The following TJAP1 variants were observed in gnomAD, a reference collection of about 807,000 sequenced individuals.
TJAP1 encodes tight junction-associated protein 1.
In TJAP1, 27 loss-of-function variants were observed where a neutral mutation model predicts 42.0. The ratio of observed to expected loss-of-function variants is 0.64; its 90% CI spans 0.47 to 0.89. TJAP1 has a LOEUF of 0.89. TJAP1 is among the 40% of genes least tolerant of loss of function. The pLI, the probability that TJAP1 is intolerant of heterozygous loss-of-function variation, is 0.00. For synonymous variants in TJAP1, 257 were observed against 288.4 expected (o/e 0.89, Z 1.10); for missense variants, 712 against 726.9 (o/e 0.98, Z 0.24).
At chr6:43,503,943 G>C (rs778452063) in intron 10 of TJAP1, 3 of 695,988 alleles carry the variant, frequency 4.3e-6, no homozygotes, top group East Asian at 2.8e-5. Context: ...CAGAGACAGA[G>C]AGAGAAGATC....
At chr6:43,486,032 C>T (rs1343822018) in intron 2 of TJAP1, among the ~76,000 whole-genome samples, 1 of 150,026 alleles carries the variant, frequency 6.7e-6, no homozygotes, top group African/African-American at 2.5e-5. Context: ...AGTGCAGTGG[C>T]GCGATCTTGG....
At position 43,505,098 on chromosome 6, in the gene TJAP1, C is replaced by T. The variant is rs778579853; in HGVS notation, c.917C>T (p.Pro306Leu). The T allele has an allele frequency of 1.2e-6, 2 of 1,613,990 alleles. No individual in the cohort carries two copies. Among genetic ancestry groups the T allele is most frequent in the Non-Finnish European group, 1.7e-6 (2 of 1,179,860 alleles). The change falls in exon 11 of 11, where the codon CCC becomes CTC. Residue 306 changes from proline (P) to leucine (L), a missense_variant. Around this residue, in one of 3 missense-constraint regions of TJAP1, gnomAD observed 549 missense variants for 528.2 expected, o/e 1.04. Transcript: ENST00000372449. This position sits in a 1 kb window ranked among gnomAD's most constrained non-coding sequence, Gnocchi z 5.5. Reference sequence around the variant, plus strand: ...AGGGGCTCCCCGGAGGAAGAGCTGCCCCTGCCAGCCTTTGAGAAGCTGAAC... The same window carrying T: ...AGGGGCTCCCCGGAGGAAGAGCTGCTCCTGCCAGCCTTTGAGAAGCTGAAC...
At chr6:43,479,738 G>A (rs935730141) in intron 2 of TJAP1, among the ~76,000 whole-genome samples, 8 of 152,216 alleles carry the variant, frequency 5.3e-5, no homozygotes, top group African/African-American at 1.7e-4. Context: ...TTGGGAGGCC[G>A]AGGCAGGCGG....
In TJAP1 at chr6:43,502,352, A is replaced by C. The variant is rs1379998689; in HGVS notation, c.357+3A>C. Reference sequence around the variant, plus strand: ...TGGAGGACAAGCTGCACACACTGGTAATCTGTCTGGGAGGGCAGCTTGGTG... The same window carrying C: ...TGGAGGACAAGCTGCACACACTGGTCATCTGTCTGGGAGGGCAGCTTGGTG... On this transcript the variant is annotated splice_donor_region_variant and intron_variant, in intron 7 of 10. Coordinates refer to ENST00000372449, the Ensembl canonical transcript of TJAP1. The C allele has an allele frequency of 6.2e-7, 1 of 1,613,478 alleles. No individual in the cohort carries two copies. The highest frequency in any genetic ancestry group is 8.5e-7 in the Non-Finnish European group (1 of 1,179,926).
intron 2 of TJAP1, among the ~76,000 whole-genome samples, chr6:43,494,725 G>T (rs767306206): frequency 2.1e-5 from 3 of 143,904 alleles, no homozygotes; most frequent in Non-Finnish European, 4.5e-5. Context: ...TGGACTCACT[G>T]CAATCTCCAC....
chr6:43,492,107 G>A lies in TJAP1; in HGVS notation c.-121-5774G>A, dbSNP rs774929187. The stretch of plus-strand genomic sequence containing the variant: ...CCTGGCTCTTTAGCCCCTTGTTCCT[G>A]TGAAGTGTTTGTCTGGATGTGAGGC... On this transcript the variant is annotated intron_variant, in intron 2 of 10. Coordinates refer to ENST00000372449, the Ensembl canonical transcript of TJAP1. This position sits in a 1 kb window ranked among gnomAD's most constrained non-coding sequence, Gnocchi z 4.2. Among the ~76,000 whole-genome samples the A allele has an allele frequency of 3.3e-5, 5 of 152,222 alleles. No individual in the cohort carries two copies. Among genetic ancestry groups the A allele is most frequent in the Non-Finnish European group, 5.9e-5 (4 of 68,030 alleles).
intron 2 of TJAP1, among the ~76,000 whole-genome samples, chr6:43,487,665 A>C (rs1786828130): frequency 6.6e-6 from 1 of 152,018 alleles, no homozygotes; most frequent in African/African-American, 2.4e-5. Context: ...AGCACAGTGT[A>C]GATGCAGGGT....
Position 43,505,664 on chromosome 6 carries a change from G to T in TJAP1, c.1483G>T (p.Glu495Ter). 3 of 1,609,900 alleles carry T rather than the reference G, an allele frequency of 1.9e-6. No individual in the cohort carries two copies. The highest frequency in any genetic ancestry group is 2.5e-6 in the Non-Finnish European group (3 of 1,177,332). ...GAACCTGCCTATCAGTCCTGAGGAA[G>T]AGCGCCAGAGCCTGCTGCCCATTAA... Residue 495 changes from glutamate to a stop codon, truncating the protein, a stop_gained, in exon 11 of 11, where the codon GAG becomes TAG. Coordinates refer to ENST00000372449, the Ensembl canonical transcript of TJAP1. LOFTEE classifies it high-confidence loss of function. The surrounding 1 kb of genome is among the most constrained non-coding windows in gnomAD (Gnocchi z 5.5).
intron 2 of TJAP1, among the ~76,000 whole-genome samples, chr6:43,486,034 C>T (rs572738434): frequency 6.6e-6 from 1 of 150,662 alleles, no homozygotes; most frequent in Non-Finnish European, 1.5e-5. Flanking sequence ...TGCAGTGGCG[C>T]GATCTTGGCT....
Position 43,498,988 on chromosome 6 carries a change from C to T in TJAP1, c.-14C>T, listed in dbSNP as rs199875670. The T allele has an allele frequency of 6.9e-5, 112 of 1,613,170 alleles. 1 individual carries two copies. The African/African-American group carries it at 8.3e-4, about 12-fold the overall frequency. On this transcript the variant is annotated 5_prime_UTR_variant, in exon 4 of 11. Transcript: ENST00000372449. ...CTTGCTTCTCAGCAGGCGGAGGAGC[C>T]GTCACCTCCCAGAATGACTAGTGCC... is the stretch of plus-strand genomic sequence containing the variant.
intron 2 of TJAP1, among the ~76,000 whole-genome samples, chr6:43,484,242 T>C (rs1191463675): frequency 3.3e-5 from 5 of 152,104 alleles, no homozygotes; most frequent in African/African-American, 1.2e-4. Context: ...GTGGATCACC[T>C]GAGGTCAGGA....
chr6:43,501,927 A>ACT (rs201624955), intron 6 of TJAP1, among the ~76,000 whole-genome samples: 96 of 71,560 alleles, frequency 1.3e-3, no homozygotes, highest in Middle Eastern at 0.013. Context: ...ACACACACAC[A>ACT]CTCTCTCTCT....
intron 2 of TJAP1, among the ~76,000 whole-genome samples, chr6:43,483,531 G>C (rs1201507850): frequency 2.0e-5 from 3 of 152,212 alleles, no homozygotes; most frequent in African/African-American, 7.2e-5. Context: ...CATGTTGTTT[G>C]GTGAGGGCTC....
At chr6:43,477,626 A>T (rs1354025905) in exon 1 of TJAP1, 1 of 152,314 alleles carries the variant, frequency 6.6e-6, no homozygotes. Context: ...GCAGCGGCGG[A>T]AAGTTTGTTG....
chr6:43,498,435 A>G (rs1789735285), intron 3 of TJAP1, among the ~76,000 whole-genome samples: 1 of 152,160 alleles, frequency 6.6e-6, no homozygotes, highest in South Asian at 2.1e-4. Flanking sequence ...TTGTGGTCCG[A>G]GCTACACAGA....
Position 43,495,973 on chromosome 6 carries a change from A to G in TJAP1, c.-121-1908A>G, listed in dbSNP as rs992943565. Among the ~76,000 whole-genome samples, 1 of 152,164 alleles carries G rather than the reference A, an allele frequency of 6.6e-6. No homozygotes were observed. Among genetic ancestry groups the G allele is most frequent in the African/African-American group, 2.4e-5 (1 of 41,416 alleles). On this transcript the variant is annotated intron_variant, in intron 2 of 10. Coordinates refer to ENST00000372449, the Ensembl canonical transcript of TJAP1. The surrounding 1 kb of genome is among the most constrained non-coding windows in gnomAD (Gnocchi z 4.6). The stretch of plus-strand genomic sequence containing the variant: ...CGTTCATGCAGGTGTTTCGGTACCA[A>G]GAGGACAGCACAGGCCTTGCCAGGA...
chr6:43,498,783 CCCT>C, intron 3 of TJAP1, 192 bp from the exon 4 acceptor site: 1 of 506,672 alleles, frequency 2.0e-6, no homozygotes, highest in East Asian at 3.8e-5. Flanking sequence ...CCATGCCCCA[CCCT>C]CCAGCACTCC....
At chr6:43,497,003 C>T (rs1178440054) in intron 2 of TJAP1, 1 of 152,294 alleles carries the variant, frequency 6.6e-6, no homozygotes, top group Non-Finnish European at 1.5e-5. Context: ...TACACAGGGC[C>T]CCACAGTGTC....
At position 43,505,594 on chromosome 6, in the gene TJAP1, A is replaced by G; in HGVS notation, c.1413A>G (p.Leu471=). The G allele has an allele frequency of 1.2e-6, 2 of 1,613,542 alleles. No individual in the cohort carries two copies. Among genetic ancestry groups the G allele is most frequent in the South Asian group, 1.1e-5 (1 of 91,084 alleles). Residue 471 remains leucine, a synonymous_variant, in exon 11 of 11, where the codon CTA becomes CTG. Transcript: ENST00000372449. This position sits in a 1 kb window ranked among gnomAD's most constrained non-coding sequence, Gnocchi z 5.5. ...GACCCGAAGAGAGTGAGCTTTTGCT[A>G]CCCACAGAACCTGACTCTGGCTTTC...
Sources: allele counts gnomAD v4.1 joint callset (sites outside exome capture counted in the v4.1 genomes callset), GRCh38; gene constraint gnomAD v4.1.1; regional missense constraint gnomAD v4.1.1; non-coding constraint Gnocchi (gnomAD v3.1); transcripts MANE v1.5; gene names NCBI Gene and HGNC (gene_info 2026-07-23, HGNC 2026-07-21).